The following NIM1K variants were observed in gnomAD, a reference collection of about 807,000 sequenced individuals.
NIM1K encodes NIM1 serine/threonine protein kinase.
Under a neutral mutation model 37.1 loss-of-function variants are expected in NIM1K, and 35 were observed. The ratio of observed to expected loss-of-function variants is 0.94; its 90% confidence interval spans 0.72 to 1.25. NIM1K has a LOEUF of 1.25. Ranked by LOEUF, NIM1K falls within the 50% of genes most tolerant of loss-of-function variation. The pLI is 0.00. For synonymous variants in NIM1K, 234 were observed against 206.6 expected, an observed-to-expected ratio of 1.13 and a Z score of -1.14; for missense variants, 564 against 548.0, an observed-to-expected ratio of 1.03 and a Z score of -0.29.
At chr5:43,232,770 GC>G (rs1265990212) in intron 1 of NIM1K, 1 of 1,131,178 alleles carries the variant, frequency 8.8e-7, no homozygotes, top group South Asian at 1.4e-5. Context: ...AAAACAAGAA[GC>G]CTTGGCGATC....
chr5:43,262,610 G>T (rs1377993790), intron 2 of NIM1K, among the ~76,000 whole-genome samples: 14 of 151,998 alleles, frequency 9.2e-5, no homozygotes, highest in Admixed American at 2.0e-4. Context: ...TCTTTCTCCT[G>T]CTTGATTGCC....
In NIM1K at chr5:43,220,015, G is replaced by A. The variant is rs538796281; in HGVS notation, c.-694-25067G>A. The stretch of plus-strand genomic sequence containing the variant: ...GTTGGGATTACAGGCGTGAGCCACC[G>A]TGCCCAGCCAATTGTGTCCTTTGAT... On this transcript the variant is annotated intron_variant, in intron 1 of 3. Coordinates refer to ENST00000326035, the MANE Select transcript of NIM1K (RefSeq NM_153361.4). Among the ~76,000 whole-genome samples, 31 of 152,262 alleles carry A rather than the reference G, an allele frequency of 2.0e-4. 1 individual carries two copies. Among genetic ancestry groups the A allele is most frequent in the African/African-American group, 7.5e-4 (31 of 41,544 alleles).
At chr5:43,207,745 C>T (rs561710155) in intron 1 of NIM1K, 7 of 467,818 alleles carry the variant, frequency 1.5e-5, no homozygotes, top group Admixed American at 1.4e-4. Context: ...CAAAGGAGAT[C>T]GTCTGTGTCC....
At chr5:43,256,577 C>T (rs1471654892) in intron 2 of NIM1K, among the ~76,000 whole-genome samples, 2 of 152,152 alleles carry the variant, frequency 1.3e-5, no homozygotes, top group East Asian at 3.9e-4. Flanking sequence ...GTGCCTCCCC[C>T]ATTCCCCCTT....
At position 43,280,809 on chromosome 5, in the gene NIM1K, C is replaced by A; in HGVS notation, c.*80C>A. 1 of 1,285,122 alleles carries A rather than the reference C, an allele frequency of 7.8e-7. No individual in the cohort carries two copies. The highest frequency in any genetic ancestry group is 1.1e-6 in the Non-Finnish European group (1 of 949,456). 79.6% of individuals were successfully genotyped at this position (1,285,122 alleles called of 1,614,324 possible). On this transcript the variant is annotated 3_prime_UTR_variant, in exon 4 of 4. Transcript: ENST00000326035. ...TTTTCAAGGACAACTTGAGTGGAGA[C>A]ATTTTTGTAATTTTTAAATAAACTT...
chr5:43,277,779 CGTGTGTGTGT>C (rs765779433), intron 3 of NIM1K, among the ~76,000 whole-genome samples: 79 of 127,500 alleles, frequency 6.2e-4, no homozygotes, highest in African/African-American at 2.2e-3. Context: ...CCCCCCTCTC[CGTGTGTGTGT>C]GTGTGTGTGT....
rs113472653 is a variant in NIM1K at position 43,233,563 on chromosome 5, C to T, written c.-694-11519C>T. On this transcript the variant is annotated intron_variant, in intron 1 of 3. Coordinates refer to ENST00000326035, the MANE Select transcript of NIM1K (RefSeq NM_153361.4). The stretch of plus-strand genomic sequence containing the variant: ...TTCCTTATCCATAGCCATAGCCTTG[C>T]GGCCTGTTACCCTGATAGACTTTCT... Among the ~76,000 whole-genome samples, 25 of 152,286 alleles carry T rather than the reference C, an allele frequency of 1.6e-4. 1 individual carries two copies. Among genetic ancestry groups the T allele is most frequent in the African/African-American group, 4.6e-4 (19 of 41,562 alleles).
At chr5:43,257,473 T>C (rs1471724571) in intron 2 of NIM1K, among the ~76,000 whole-genome samples, 1 of 149,928 alleles carries the variant, frequency 6.7e-6, no homozygotes, top group Non-Finnish European at 1.5e-5. Flanking sequence ...GTTCAAGCAA[T>C]TCTCCTGCCT....
intron 1 of NIM1K, chr5:43,207,087 A>G: frequency 2.8e-6 from 2 of 720,204 alleles, no homozygotes; most frequent in South Asian, 1.5e-5. Context: ...GCCTGGTTGA[A>G]TATGACATAG....
chr5:43,236,974 G>A lies in NIM1K; in HGVS notation c.-694-8108G>A, dbSNP rs183306494. Among the ~76,000 whole-genome samples the A allele has an allele frequency of 1.7e-3, 261 of 152,344 alleles. 1 individual carries two copies. Among genetic ancestry groups the A allele is most frequent in the African/African-American group, 6.0e-3 (248 of 41,588 alleles). Reference sequence around the variant, plus strand: ...TGAGAAATAAAGAGCTGAGCTAAAAGCAAAGATGACGCAAATGATTTCAAA... The same window carrying A: ...TGAGAAATAAAGAGCTGAGCTAAAAACAAAGATGACGCAAATGATTTCAAA... On this transcript the variant is annotated intron_variant, in intron 1 of 3. Transcript: ENST00000326035.
intron 1 of NIM1K, chr5:43,232,720 G>A (rs1752559092): frequency 4.4e-6 from 6 of 1,354,968 alleles, no homozygotes; most frequent in Non-Finnish European, 5.1e-6. Flanking sequence ...CATGAGCGGG[G>A]AGGTGAACCC....
chr5:43,230,652 C>T (rs1320364375), intron 1 of NIM1K, among the ~76,000 whole-genome samples: 1 of 152,198 alleles, frequency 6.6e-6, no homozygotes, highest in Non-Finnish European at 1.5e-5. Flanking sequence ...ATTTGGGGGG[C>T]AGGGCCTAGA....
rs1239450593 is a variant in NIM1K, at chr5:43,245,731, C to T, written c.-45C>T. 6.5e-7 allele frequency: 1 copy of T among 1,533,082 alleles called. No homozygotes were observed. Among genetic ancestry groups the T allele is most frequent in the Admixed American group, 1.9e-5 (1 of 52,380 alleles). 95.0% of individuals were successfully genotyped at this position (1,533,082 alleles called of 1,614,324 possible). ...CCTCTGAGCCTCTTCTGCTCCTGCA[C>T]AACCTGCCTCTTCGCTGAGATGGAG... On this transcript the variant is annotated 5_prime_UTR_variant, in exon 2 of 4. Transcript: ENST00000326035.
intron 2 of NIM1K, among the ~76,000 whole-genome samples, chr5:43,270,919 C>T (rs11745970): frequency 0.24 from 36,741 of 152,116 alleles, 5,056 homozygotes; most frequent in Middle Eastern, 0.43. Context: ...AACACCCAAA[C>T]ACCAAGTGGT....
chr5:43,216,081 G>A (rs1377842976), intron 1 of NIM1K, among the ~76,000 whole-genome samples: 4 of 151,984 alleles, frequency 2.6e-5, no homozygotes, highest in African/African-American at 9.7e-5. Context: ...TTTGATCTTG[G>A]TGTACATATA....
At chr5:43,227,980 G>C (rs937327876) in intron 1 of NIM1K, among the ~76,000 whole-genome samples, 4 of 152,120 alleles carry the variant, frequency 2.6e-5, no homozygotes, top group African/African-American at 9.7e-5. Context: ...AAGACATTTC[G>C]TGGGAAAGCT....
chr5:43,276,235 T>C (rs1379370499), intron 2 of NIM1K, among the ~76,000 whole-genome samples: 1 of 152,212 alleles, frequency 6.6e-6, no homozygotes, highest in African/African-American at 2.4e-5. Flanking sequence ...TATTAGCTCA[T>C]GATTCTGCAG....
At chr5:43,233,092 T>C in intron 1 of NIM1K, 1 of 1,344,662 alleles carries the variant, frequency 7.4e-7, no homozygotes, top group Non-Finnish European at 1.1e-6. Flanking sequence ...CTGGATGCCA[T>C]GTTCCAGGCA....
intron 1 of NIM1K, chr5:43,225,835 C>A (rs1362595917): frequency 1.3e-5 from 2 of 152,822 alleles, no homozygotes; most frequent in Non-Finnish European, 2.9e-5. Context: ...GGGTCACCAC[C>A]CTTAAGAAGC....
Sources: allele counts gnomAD v4.1 joint callset (sites outside exome capture counted in the v4.1 genomes callset), GRCh38; gene constraint gnomAD v4.1.1; transcripts MANE v1.5; gene names NCBI Gene and HGNC (gene_info 2026-07-23, HGNC 2026-07-21).